The following PACRG variants were observed in gnomAD, a reference collection of about 807,000 sequenced individuals.
PACRG encodes parkin coregulated gene protein.
Under a neutral mutation model 29.7 loss-of-function variants are expected in PACRG, and 29 were observed. That is an observed-to-expected ratio of 0.98 (90% CI 0.73 to 1.33). PACRG has a LOEUF of 1.33. PACRG is among the 40% of genes most tolerant of loss of function. PACRG has a pLI of 0.00. For missense variants in PACRG, 279 were observed against 316.2 expected (o/e 0.88, Z 0.89); for synonymous variants, 116 against 118.7 (o/e 0.98, Z 0.15).
intron 4 of PACRG, among the ~76,000 whole-genome samples, chr6:163,234,246 G>T (rs147145110): frequency 1.7e-5 from 1 of 60,122 alleles, no homozygotes; most frequent in African/African-American, 1.3e-4. Flanking sequence ...AGGCCTGGTG[G>T]GAGGGTCATG....
intron 2 of PACRG, among the ~76,000 whole-genome samples, chr6:163,046,877 T>G (rs1441800185): frequency 6.6e-6 from 1 of 152,230 alleles, no homozygotes; most frequent in Admixed American, 6.5e-5. Flanking sequence ...TATAAAGAGC[T>G]TTAACAAATT....
chr6:163,106,548 A>ATT (rs11444203), intron 4 of PACRG, among the ~76,000 whole-genome samples: 1 of 151,918 alleles, frequency 6.6e-6, no homozygotes, highest in Non-Finnish European at 1.5e-5. Context: ...ATAGTATGAC[A>ATT]TTTTTACTTT....
intron 2 of PACRG, among the ~76,000 whole-genome samples, chr6:163,027,926 TC>T (rs1807295259): frequency 6.6e-6 from 1 of 152,034 alleles, no homozygotes; most frequent in African/African-American, 2.4e-5. Flanking sequence ...TCCCACACTG[TC>T]CCCCACCAAC....
intron 4 of PACRG, among the ~76,000 whole-genome samples, chr6:163,206,937 A>C: frequency 6.6e-6 from 1 of 152,194 alleles, no homozygotes; most frequent in Non-Finnish European, 1.5e-5. Flanking sequence ...TTCTGAAAAT[A>C]TCATACTTCA....
intron 4 of PACRG, among the ~76,000 whole-genome samples, chr6:163,275,339 A>G (rs993137031): frequency 2.0e-5 from 3 of 152,018 alleles, no homozygotes; most frequent in Middle Eastern, 3.4e-3. Context: ...AGCTTTTCAT[A>G]TGTATGTTCT....
At chr6:162,896,193 C>T (rs1037854079) in intron 2 of PACRG, among the ~76,000 whole-genome samples, 10 of 152,178 alleles carry the variant, frequency 6.6e-5, no homozygotes, top group Admixed American at 5.2e-4. Flanking sequence ...AACGTGAGAT[C>T]GTTTGGCCAC....
At chr6:163,180,782 G>A (rs1779616021) in intron 4 of PACRG, among the ~76,000 whole-genome samples, 1 of 152,078 alleles carries the variant, frequency 6.6e-6, no homozygotes, top group Non-Finnish European at 1.5e-5. Flanking sequence ...TTAAAAAAAT[G>A]GGCAAAAAAT....
At chr6:163,098,666 A>T (rs1026878974) in intron 4 of PACRG, among the ~76,000 whole-genome samples, 2 of 152,190 alleles carry the variant, frequency 1.3e-5, no homozygotes, top group African/African-American at 4.8e-5. Flanking sequence ...GCAAGACAGA[A>T]TTCAGGGCAA....
chr6:163,004,728 A>G (rs62429319), intron 2 of PACRG, among the ~76,000 whole-genome samples: 8,393 of 75,328 alleles, frequency 0.11, 409 homozygotes, highest in African/African-American at 0.17. Context: ...GTGTGTGTGT[A>G]TATATATATA....
intron 2 of PACRG, among the ~76,000 whole-genome samples, chr6:162,935,571 T>C (rs1351670156): frequency 6.6e-6 from 1 of 152,032 alleles, no homozygotes. Flanking sequence ...GCTATTTCTT[T>C]TTTAAAATTT....
intron 4 of PACRG, among the ~76,000 whole-genome samples, chr6:163,122,377 G>A (rs769569946): frequency 3.3e-5 from 5 of 151,946 alleles, no homozygotes; most frequent in Non-Finnish European, 5.9e-5. Context: ...CCTCCGAATC[G>A]CTTGTTGAAA....
chr6:163,109,850 G>A (rs1345015417), intron 4 of PACRG, among the ~76,000 whole-genome samples: 2 of 152,188 alleles, frequency 1.3e-5, no homozygotes, highest in Non-Finnish European at 2.9e-5. Flanking sequence ...CAGTGAAATT[G>A]AGAAGGAGAT....
At chr6:162,918,472 G>A (rs1218168257) in intron 2 of PACRG, among the ~76,000 whole-genome samples, 2 of 152,160 alleles carry the variant, frequency 1.3e-5, no homozygotes, top group East Asian at 1.9e-4. Context: ...AGGAAGCTGC[G>A]CTGTGCCCAG....
At position 162,874,149 on chromosome 6, in the gene PACRG, A is replaced by ATAT. The variant is rs547779237; in HGVS notation, c.291+59868_291+59869insTAT. On this transcript the variant is annotated intron_variant, in intron 2 of 4. Coordinates refer to ENST00000366888, the MANE Select transcript of PACRG (RefSeq NM_001080379.2). Reference sequence around the variant, plus strand: ...AAAACATGAGGGAGTTAAAAAAAAAAAAATATATATATATATATGTATATA... The same window carrying ATAT: ...AAAACATGAGGGAGTTAAAAAAAAAATATAAATATATATATATATATGTATATA... Among the ~76,000 whole-genome samples the ATAT allele has an allele frequency of 8.0e-3, 859 of 107,872 alleles. 10 individuals are homozygous for ATAT. Among genetic ancestry groups the ATAT allele is most frequent in the South Asian group, 0.042 (137 of 3,240 alleles). The allele number at this position is 107,872 out of a possible 152,430, so 70.8% of individuals were successfully genotyped here. A position where few individuals can be genotyped will look rare whatever the true frequency, so the allele number is the denominator to read the frequency against.
intron 2 of PACRG, among the ~76,000 whole-genome samples, chr6:162,864,564 T>C (rs1792137316): frequency 6.6e-6 from 1 of 152,146 alleles, no homozygotes; most frequent in Non-Finnish European, 1.5e-5. Context: ...CATGAGAAAA[T>C]GGACTCAAGA....
At chr6:162,951,066 T>C (rs1419926741) in intron 2 of PACRG, among the ~76,000 whole-genome samples, 1 of 152,196 alleles carries the variant, frequency 6.6e-6, no homozygotes, top group Non-Finnish European at 1.5e-5. Context: ...TTTGTGGGTG[T>C]GTATTTTCCC....
At position 163,268,215 on chromosome 6, in the gene PACRG, A is replaced by G. The variant is rs186881953; in HGVS notation, c.614-46612A>G. ...GGGGATTGAGACCATCCTGGCCAAC[A>G]TGGTGAAACCCCATCTCTACTAAAA... On this transcript the variant is annotated intron_variant, in intron 4 of 4. Coordinates refer to ENST00000366888, the MANE Select transcript of PACRG (RefSeq NM_001080379.2). Among the ~76,000 whole-genome samples, 1,083 of 152,240 alleles carry G rather than the reference A, an allele frequency of 7.1e-3. 14 individuals carry two copies. The highest frequency in any genetic ancestry group is 0.025 in the African/African-American group (1,041 of 41,522).
At chr6:162,835,744 A>T (rs775044685) in intron 2 of PACRG, among the ~76,000 whole-genome samples, 8 of 152,082 alleles carry the variant, frequency 5.3e-5, no homozygotes, top group Non-Finnish European at 1.2e-4. Context: ...CATCTATATG[A>T]ACTTGTTGAG....
intron 4 of PACRG, among the ~76,000 whole-genome samples, chr6:163,162,632 C>T (rs1778604297): frequency 6.6e-6 from 1 of 152,224 alleles, no homozygotes; most frequent in Non-Finnish European, 1.5e-5. Flanking sequence ...ATTTTCTCCA[C>T]CTTTCTAGAC....
Sources: allele counts gnomAD v4.1 joint callset (sites outside exome capture counted in the v4.1 genomes callset), GRCh38; gene constraint gnomAD v4.1.1; transcripts MANE v1.5; gene names NCBI Gene and HGNC (gene_info 2026-07-23, HGNC 2026-07-21).